The following MGAT4B variants were observed in gnomAD, a reference collection of about 807,000 sequenced individuals.
MGAT4B encodes the protein N-acetylglucosaminyltransferase IVb.
MGAT4B carries 38 observed loss-of-function variants against 73.9 expected under a neutral mutation model. The observed-to-expected ratio is 0.51, with a 90% confidence interval of 0.40 to 0.67. The LOEUF is 0.67. Ranked by LOEUF, MGAT4B falls within the 30% of genes least tolerant of loss-of-function variation. MGAT4B has a pLI of 0.00. For missense variants in MGAT4B, 686 were observed against 735.2 expected (o/e 0.93, Z 0.77); for synonymous variants, 373 against 313.5 (o/e 1.19, Z -2.01).
chr5:179,802,151 AT>A (rs1562618199), intron 1 of MGAT4B, 182 bp from the exon 2 acceptor site: 1 of 1,509,770 alleles, frequency 6.6e-7, no homozygotes, highest in East Asian at 2.3e-5. Flanking sequence ...ACTAATGCTC[AT>A]GGGGAGAAAA....
At position 179,798,441 on chromosome 5, in the gene MGAT4B, G is replaced by C; in HGVS notation, c.1423-7C>G. ...CCTTGTCTGACTGAGGGTTCTGGGG[G>C]CAGAATCAAGGGCTGAGGCAGGTGG... On this transcript the variant is annotated splice_polypyrimidine_tract_variant and splice_region_variant and intron_variant, in intron 12 of 14. Transcript: ENST00000292591. 4.3e-6 allele frequency: 7 copies of C among 1,612,616 alleles called. No individual in the cohort carries two copies. Among genetic ancestry groups the C allele is most frequent in the African/African-American group, 1.3e-5 (1 of 75,054 alleles).
intron 1 of MGAT4B, among the ~76,000 whole-genome samples, chr5:179,804,738 T>G (rs952756365): frequency 6.6e-6 from 1 of 152,048 alleles, no homozygotes. Context: ...GAGGCCAGGT[T>G]CCAATCTGGC....
At chr5:179,798,892 C>T in intron 11 of MGAT4B, 36 bp downstream of exon 11, 1 of 1,609,802 alleles carries the variant, frequency 6.2e-7, no homozygotes, top group Non-Finnish European at 8.5e-7. Context: ...CCACCCAGCC[C>T]CGCCCCCATC....
chr5:179,803,121 G>A (rs748056923), intron 1 of MGAT4B: 63 of 985,480 alleles, frequency 6.4e-5, no homozygotes, highest in Middle Eastern at 5.1e-4. Context: ...AGTGCCAAGT[G>A]ACCAGGGAAG....
At position 179,798,020 on chromosome 5, in the gene MGAT4B, CAG is replaced by C. The variant is rs1756724329; in HGVS notation, c.*23_*24del. ...GAAATGTGGGCTTCAGGGCTGGCCA[CAG>C]GGTACCCTCAGAAGCCCGCAGCTTA... On this transcript the variant is annotated 3_prime_UTR_variant, in exon 15 of 15. Coordinates refer to ENST00000292591, the MANE Select transcript of MGAT4B (RefSeq NM_014275.5). 1 of 1,602,562 alleles carries C rather than the reference CAG, an allele frequency of 6.2e-7. No homozygotes were observed. Among genetic ancestry groups the C allele is most frequent in the Admixed American group, 1.7e-5 (1 of 58,750 alleles).
At position 179,800,609 on chromosome 5, in the gene MGAT4B, G is replaced by C; in HGVS notation, c.606-12C>G. 6.4e-7 allele frequency: 1 copy of C among 1,563,462 alleles called. No homozygotes were observed. Among genetic ancestry groups the C allele is most frequent in the Non-Finnish European group, 8.8e-7 (1 of 1,139,560 alleles). On this transcript the variant is annotated splice_polypyrimidine_tract_variant and intron_variant, in intron 5 of 14. Transcript: ENST00000292591. ...TCTCCGTGGGGAACCTGGGGGACGGGAAGGCCTAGTCCGTATGCAGCCTCC... is the reference window on the plus strand; with the variant it reads ...TCTCCGTGGGGAACCTGGGGGACGGCAAGGCCTAGTCCGTATGCAGCCTCC...
In MGAT4B at chr5:179,801,720, C is replaced by A; in HGVS notation, c.284-26G>T. 1.2e-6 allele frequency: 2 copies of A among 1,600,468 alleles called. No homozygotes were observed. Among genetic ancestry groups the A allele is most frequent in the Non-Finnish European group, 1.7e-6 (2 of 1,173,902 alleles). Reference sequence around the variant, plus strand: ...CTGGGTGGGTCGGGAAGGATCGGGACTGAGACCAGGGAACCTACAACCAGC... The same window carrying A: ...CTGGGTGGGTCGGGAAGGATCGGGAATGAGACCAGGGAACCTACAACCAGC... On this transcript the variant is annotated intron_variant, in intron 2 of 14. Transcript: ENST00000292591. This position sits in a 1 kb window ranked among gnomAD's most constrained non-coding sequence, Gnocchi z 4.8.
rs1756956442 is a variant in MGAT4B at position 179,801,819 on chromosome 5, T to A, written c.248A>T (p.Asp83Val). The A allele has an allele frequency of 6.2e-7, 1 of 1,601,804 alleles. No homozygotes were observed. Among genetic ancestry groups the A allele is most frequent in the African/African-American group, 1.3e-5 (1 of 74,638 alleles). The change falls in exon 2 of 15, where the codon GAC becomes GTC. Residue 83 changes from aspartate (D) to valine (V), a missense_variant. Coordinates refer to ENST00000292591, the MANE Select transcript of MGAT4B (RefSeq NM_014275.5). The surrounding 1 kb of genome is among the most constrained non-coding windows in gnomAD (Gnocchi z 4.8). ...GCCCCAGGTGCGATTGCCGTCTCCG[T>A]CTCGCAGCGCCTGCCTTTCTGACAC... ...RAVSERQALR[D>V]GDGNRTWGRL...
intron 8 of MGAT4B, 127 bp downstream of exon 8, chr5:179,799,827 C>T: frequency 1.6e-6 from 2 of 1,223,024 alleles, no homozygotes; most frequent in Non-Finnish European, 2.4e-6. Context: ...CCAGGTGGGG[C>T]TGTAGCACGC....
chr5:179,803,192 T>C, intron 1 of MGAT4B: 2 of 985,228 alleles, frequency 2.0e-6, no homozygotes, highest in Non-Finnish European at 1.2e-6. Flanking sequence ...AGGTAGATCT[T>C]CCCTGAGGCA....
In MGAT4B at chr5:179,798,604, A is replaced by C; in HGVS notation, c.1344-13T>G. On this transcript the variant is annotated splice_polypyrimidine_tract_variant and intron_variant, in intron 11 of 14. Coordinates refer to ENST00000292591, the MANE Select transcript of MGAT4B (RefSeq NM_014275.5). ...GCGGAAGAAGAACCTGCAGCCAGGC[A>C]GGCCTGTGAGCTGCTGCAGGGGCAG... 1 of 1,613,130 alleles carries C rather than the reference A, an allele frequency of 6.2e-7. No individual in the cohort carries two copies. The highest frequency in any genetic ancestry group is 8.5e-7 in the Non-Finnish European group (1 of 1,179,914).
In MGAT4B at chr5:179,800,604, G is replaced by C. The variant is rs1756873855; in HGVS notation, c.606-7C>G. Reference sequence around the variant, plus strand: ...ATGGATCTCCGTGGGGAACCTGGGGGACGGGAAGGCCTAGTCCGTATGCAG... The same window carrying C: ...ATGGATCTCCGTGGGGAACCTGGGGCACGGGAAGGCCTAGTCCGTATGCAG... On this transcript the variant is annotated splice_region_variant and splice_polypyrimidine_tract_variant and intron_variant, in intron 5 of 14. Transcript: ENST00000292591. The C allele has an allele frequency of 6.3e-7, 1 of 1,578,046 alleles. No individual in the cohort carries two copies. Among genetic ancestry groups the C allele is most frequent in the Non-Finnish European group, 8.7e-7 (1 of 1,151,882 alleles).
rs528470286 is a variant in MGAT4B at position 179,801,478 on chromosome 5, C to T, written c.425-11G>A. On this transcript the variant is annotated splice_polypyrimidine_tract_variant and intron_variant, in intron 3 of 14. Coordinates refer to ENST00000292591, the MANE Select transcript of MGAT4B (RefSeq NM_014275.5). The surrounding 1 kb of genome is among the most constrained non-coding windows in gnomAD (Gnocchi z 4.8). ...CCATCACCACCGACACTATGGGGGA[C>T]GGAGGCCCGACGCTGGAAAGGGTGC... 29 of 1,603,632 alleles carry T rather than the reference C, an allele frequency of 1.8e-5. No homozygotes were observed. Among genetic ancestry groups the T allele is most frequent in the African/African-American group, 9.3e-5 (7 of 74,870 alleles).
In MGAT4B at chr5:179,800,820, T is replaced by C. The variant is rs773722964; in HGVS notation, c.605+87A>G. The stretch of plus-strand genomic sequence containing the variant: ...CCTCCCCACGAGATAGGAAAGGCAC[T>C]ATCTCATGGGGAGGCAGGAACCTGC... On this transcript the variant is annotated intron_variant, in intron 5 of 14. Transcript: ENST00000292591. 26 of 1,432,008 alleles carry C rather than the reference T, an allele frequency of 1.8e-5. No individual in the cohort carries two copies. The South Asian group carries it at 2.8e-4, about 15-fold the overall frequency. 88.7% of individuals were successfully genotyped at this position (1,432,008 alleles called of 1,614,324 possible).
intron 1 of MGAT4B, chr5:179,805,103 T>G (rs987878982): frequency 2.0e-5 from 3 of 152,220 alleles, no homozygotes; most frequent in African/African-American, 7.2e-5. Context: ...CTCACTCTGC[T>G]GTCCTGGAGC....
rs1433882681 is a variant in MGAT4B at position 179,798,994 on chromosome 5, CAGA to C, written c.1274_1276del (p.Phe425del). ...GTCCCCCGCGGCAGGGGTGAAGGCC[CAGA>C]AGAAGTCCTCGCGCAGGTAGGCTTT... On this transcript the variant is annotated inframe_deletion, in exon 11 of 15. Transcript: ENST00000292591. 17 of 1,613,836 alleles carry C rather than the reference CAGA, an allele frequency of 1.1e-5. No homozygotes were observed. Among genetic ancestry groups the C allele is most frequent in the Non-Finnish European group, 1.1e-5 (13 of 1,180,036 alleles).
At position 179,801,972 on chromosome 5, in the gene MGAT4B, G is replaced by A. The variant is rs748247831; in HGVS notation, c.98-3C>T. The A allele has an allele frequency of 6.2e-7, 1 of 1,613,366 alleles. No individual in the cohort carries two copies. The highest frequency in any genetic ancestry group is 1.1e-5 in the South Asian group (1 of 91,086). ...CTGGTAAACGTCCACAACGTCGCCT[G>A]CAGGTGGTAGGCAAGCCGTCACGAG... On this transcript the variant is annotated splice_region_variant and splice_polypyrimidine_tract_variant and intron_variant, in intron 1 of 14. Transcript: ENST00000292591. This position sits in a 1 kb window ranked among gnomAD's most constrained non-coding sequence, Gnocchi z 4.8.
Position 179,801,013 on chromosome 5 carries a change from G to T in MGAT4B, c.559-60C>A. On this transcript the variant is annotated intron_variant, in intron 4 of 14. Transcript: ENST00000292591. The surrounding 1 kb of genome is among the most constrained non-coding windows in gnomAD (Gnocchi z 4.8). ...CTGCTGCCCCAAAAGGCCTGGAAGG[G>T]CTTGGAGAAGGGGCACAGGCTTCAG... 1 of 1,583,652 alleles carries T rather than the reference G, an allele frequency of 6.3e-7. No individual in the cohort carries two copies. Among genetic ancestry groups the T allele is most frequent in the Non-Finnish European group, 8.7e-7 (1 of 1,153,458 alleles).
rs1294873456 is a variant in MGAT4B, at chr5:179,801,628, TG to T, written c.349del (p.His117IlefsTer29). 1 of 1,605,692 alleles carries T rather than the reference TG, an allele frequency of 6.2e-7. No individual in the cohort carries two copies. Among genetic ancestry groups the T allele is most frequent in the Non-Finnish European group, 8.5e-7 (1 of 1,177,882 alleles). On this transcript the variant is annotated frameshift_variant, in exon 3 of 15. Coordinates refer to ENST00000292591, the MANE Select transcript of MGAT4B (RefSeq NM_014275.5). LOFTEE classifies it high-confidence loss of function. This position sits in a 1 kb window ranked among gnomAD's most constrained non-coding sequence, Gnocchi z 4.8. Reference sequence around the variant, plus strand: ...CTTGGCCAGCAGGTGTGGCAGGTGATGGAAGACGGTGGGCAGGTGCAGCACG... The same window carrying T: ...CTTGGCCAGCAGGTGTGGCAGGTGATGAAGACGGTGGGCAGGTGCAGCACG... ...RHVLHLPTVF[H>X]HLPHLLAKES...
Sources: gnomAD v4.1 joint callset for allele counts (sites outside exome capture counted in the v4.1 genomes callset) on GRCh38, gnomAD v4.1.1 for gene constraint, Gnocchi (gnomAD v3.1) non-coding constraint, MANE v1.5 for transcripts, NCBI Gene and HGNC (gene_info 2026-07-23, HGNC 2026-07-21) for gene names.